The following PLCB1 variants were observed in gnomAD, a reference collection of about 807,000 sequenced individuals.
PLCB1 encodes phospholipase C beta 1.
A neutral mutation model predicts 161.8 loss-of-function variants in PLCB1; 46 were observed. That is an observed-to-expected ratio of 0.28 (90% confidence interval 0.22 to 0.36). The LOEUF is 0.36. PLCB1 is among the 10% of genes least tolerant of loss of function. PLCB1 has a pLI of 1.00. For synonymous variants in PLCB1, 517 were observed against 503.7 expected (o/e 1.03, Z -0.35); for missense variants, 1,016 against 1,472.5 (o/e 0.69, Z 5.07).
chr20:8,293,991 G>A (rs997659276), intron 2 of PLCB1, among the ~76,000 whole-genome samples: 1 of 152,122 alleles, frequency 6.6e-6, no homozygotes, highest in African/African-American at 2.4e-5. Context: ...GGGACGTCTT[G>A]TGCAATTGTT....
At chr20:8,828,779 C>T (rs1985839216) in intron 31 of PLCB1, among the ~76,000 whole-genome samples, 1 of 152,126 alleles carries the variant, frequency 6.6e-6, no homozygotes, top group Non-Finnish European at 1.5e-5. Flanking sequence ...TTATATTCTT[C>T]CCTGATGTAT....
intron 3 of PLCB1, among the ~76,000 whole-genome samples, chr20:8,618,772 T>C (rs1311807748): frequency 6.6e-6 from 1 of 152,176 alleles, no homozygotes; most frequent in Non-Finnish European, 1.5e-5. Flanking sequence ...ACGGGGCTTA[T>C]TTAAATGCAA....
rs189432065 is a variant in PLCB1 at position 8,149,001 on chromosome 20, G to C, written c.100-1293G>C. ...TAAAGTTCTAAAGATGGATGGTGCT[G>C]ATGGCAGCACAGCAAGGTGAATGCA... On this transcript the variant is annotated intron_variant, in intron 1 of 31. Coordinates refer to ENST00000338037, the MANE Select transcript of PLCB1 (RefSeq NM_015192.4). 5.6e-4 allele frequency among the ~76,000 whole-genome samples: 86 copies of C among 152,268 alleles called. 1 individual carries two copies. In the East Asian group the frequency reaches 0.016, roughly 29 times the overall value.
rs1295909367 is a variant in PLCB1, at chr20:8,866,372, A to C, written c.3424-15250A>C. Among the ~76,000 whole-genome samples, 5 of 152,202 alleles carry C rather than the reference A, an allele frequency of 3.3e-5. No homozygotes were observed. In the South Asian group the frequency reaches 1.0e-3, roughly 32 times the overall value. On this transcript the variant is annotated intron_variant, in intron 31 of 31. Transcript: ENST00000338037. ...AGTCTCCACTAGTGCAACAAAGAAAAGGATAGAGGCCAGTCCCTGAATAGG... is the reference window on the plus strand; with the variant it reads ...AGTCTCCACTAGTGCAACAAAGAAACGGATAGAGGCCAGTCCCTGAATAGG...
chr20:8,499,951 T>C (rs895259174), intron 3 of PLCB1, among the ~76,000 whole-genome samples: 5 of 152,210 alleles, frequency 3.3e-5, no homozygotes, highest in African/African-American at 1.2e-4. Context: ...AGTCAGTCTT[T>C]CTACTTTTTA....
At chr20:8,636,005 G>A (rs775136960) in intron 4 of PLCB1, among the ~76,000 whole-genome samples, 4 of 152,194 alleles carry the variant, frequency 2.6e-5, no homozygotes, top group South Asian at 2.1e-4. Flanking sequence ...GCTTTATCTC[G>A]TTTCTATTTT....
At chr20:8,315,809 G>A (rs1984620490) in intron 2 of PLCB1, among the ~76,000 whole-genome samples, 1 of 152,126 alleles carries the variant, frequency 6.6e-6, no homozygotes, top group Non-Finnish European at 1.5e-5. Context: ...AAACACTTAG[G>A]GCTGCTGAAG....
chr20:8,362,796 G>A (rs551183587), intron 2 of PLCB1, among the ~76,000 whole-genome samples: 5 of 152,060 alleles, frequency 3.3e-5, no homozygotes, highest in South Asian at 2.1e-4. Context: ...TTTCATATAC[G>A]TGAAAAAAGA....
chr20:8,768,348 C>G (rs562114899), intron 26 of PLCB1, among the ~76,000 whole-genome samples: 1 of 152,108 alleles, frequency 6.6e-6, no homozygotes, highest in African/African-American at 2.4e-5. Flanking sequence ...TCCATTATCA[C>G]ATGAATTCTC....
At chr20:8,224,717 T>C (rs1979587970) in intron 2 of PLCB1, among the ~76,000 whole-genome samples, 2 of 152,272 alleles carry the variant, frequency 1.3e-5, no homozygotes, top group South Asian at 4.1e-4. Context: ...AACCATTGCC[T>C]GATCAAGAAA....
At chr20:8,218,318 C>T (rs1210266459) in intron 2 of PLCB1, among the ~76,000 whole-genome samples, 1 of 152,050 alleles carries the variant, frequency 6.6e-6, no homozygotes, top group Admixed American at 6.6e-5. Context: ...TACATATGCT[C>T]AGAGTTCAGA....
intron 26 of PLCB1, among the ~76,000 whole-genome samples, chr20:8,766,809 C>A (rs910987456): frequency 2.0e-5 from 3 of 151,990 alleles, no homozygotes; most frequent in Non-Finnish European, 2.9e-5. Flanking sequence ...CTGAGCAGCA[C>A]CAGGTGATGC....
chr20:8,378,310 G>A (rs1482810549), intron 3 of PLCB1, among the ~76,000 whole-genome samples: 2 of 152,146 alleles, frequency 1.3e-5, no homozygotes, highest in Non-Finnish European at 2.9e-5. Context: ...GCATACCGCA[G>A]CAGCATTGCA....
rs74983414 is a variant in PLCB1 at position 8,853,818 on chromosome 20, C to A, written c.3424-27804C>A. 1.3e-3 allele frequency among the ~76,000 whole-genome samples: 204 copies of A among 152,330 alleles called. 1 individual carries two copies. The highest frequency in any genetic ancestry group is 4.9e-3 in the African/African-American group (202 of 41,584). ...AGACGCTTTCTTCTCCTTCCACAGT[C>A]CCCTGTGCTGAGGCATTTTATGTGA... is the stretch of plus-strand genomic sequence containing the variant. On this transcript the variant is annotated intron_variant, in intron 31 of 31. Coordinates refer to ENST00000338037, the MANE Select transcript of PLCB1 (RefSeq NM_015192.4).
At chr20:8,460,173 ATCTT>A (rs1981513135) in intron 3 of PLCB1, among the ~76,000 whole-genome samples, 1 of 152,140 alleles carries the variant, frequency 6.6e-6, no homozygotes, top group African/African-American at 2.4e-5. Flanking sequence ...ACTTTCTTGA[ATCTT>A]TATTAGTAAT....
intron 2 of PLCB1, among the ~76,000 whole-genome samples, chr20:8,191,721 T>G (rs2123109656): frequency 6.6e-6 from 1 of 152,160 alleles, no homozygotes; most frequent in African/African-American, 2.4e-5. Flanking sequence ...ATTATTTAAG[T>G]CATGTATTAA....
chr20:8,656,156 G>GT (rs1989452422), intron 7 of PLCB1, among the ~76,000 whole-genome samples: 1 of 151,946 alleles, frequency 6.6e-6, no homozygotes, highest in African/African-American at 2.4e-5. Flanking sequence ...GTATTGTTCG[G>GT]TTGTCTCAAA....
At chr20:8,182,579 T>G (rs1490422505) in intron 2 of PLCB1, among the ~76,000 whole-genome samples, 1 of 136,624 alleles carries the variant, frequency 7.3e-6, no homozygotes. Context: ...ATTATCTTTT[T>G]TTTCTTTTTT....
chr20:8,560,652 T>C (rs942313965), intron 3 of PLCB1, among the ~76,000 whole-genome samples: 5 of 151,960 alleles, frequency 3.3e-5, no homozygotes, highest in African/African-American at 9.7e-5. Flanking sequence ...ATTTTAAATG[T>C]CATCTTTTTT....
Sources: allele counts gnomAD v4.1 joint callset (sites outside exome capture counted in the v4.1 genomes callset), GRCh38; gene constraint gnomAD v4.1.1; transcripts MANE v1.5; gene names NCBI Gene and HGNC (gene_info 2026-07-23, HGNC 2026-07-21).